Variants in NTN1 observed in about 807,000 individuals in gnomAD.
NTN1 encodes netrin-1.
NTN1 carries 11 observed loss-of-function variants against 54.2 expected under a neutral mutation model. That is an observed-to-expected ratio of 0.20 (90% CI 0.13 to 0.34). The LOEUF (loss-of-function observed/expected upper bound fraction) is 0.34, where lower values mean the gene tolerates loss of function less well. NTN1 is among the 10% of genes least tolerant of loss of function. The probability of loss-of-function intolerance (pLI) is 1.00; values close to 1 mark genes in which losing one functional copy is unlikely to be tolerated. For synonymous variants in NTN1, 371 were observed against 382.0 expected (o/e 0.97, Z 0.33); for missense variants, 740 against 893.1 (o/e 0.83, Z 2.18).
chr17:9,089,784 T>C (rs1475172098), intron 2 of NTN1, among the ~76,000 whole-genome samples: 1 of 152,162 alleles, frequency 6.6e-6, no homozygotes, highest in Non-Finnish European at 1.5e-5. Context: ...TTGCCTGTGA[T>C]CATCTTTTTC....
chr17:9,042,816 A>ACCTTTTGTCACTTTATATTG (rs2091927125), intron 2 of NTN1, among the ~76,000 whole-genome samples: 1 of 151,676 alleles, frequency 6.6e-6, no homozygotes, highest in Admixed American at 6.6e-5. Flanking sequence ...GATTTGTCTG[A>ACCTTTTGTCACTTTATATTG]CCTTTTGTCA....
intron 6 of NTN1, among the ~76,000 whole-genome samples, chr17:9,232,439 G>T (rs1905845469): frequency 6.6e-6 from 1 of 152,164 alleles, no homozygotes; most frequent in Non-Finnish European, 1.5e-5. Flanking sequence ...CTCCCCAAGG[G>T]TCTGGCTCTC....
chr17:9,217,728 T>A (rs1470610995), intron 5 of NTN1, among the ~76,000 whole-genome samples: 1 of 152,070 alleles, frequency 6.6e-6, no homozygotes, highest in Non-Finnish European at 1.5e-5. Flanking sequence ...TAGTTACCTG[T>A]ATTTTACATA....
rs1401085059 is a variant in NTN1, at chr17:9,221,809, T to C, written c.1486+567T>C. 1.3e-5 allele frequency among the ~76,000 whole-genome samples: 2 copies of C among 152,052 alleles called. No individual in the cohort carries two copies. The highest frequency in any genetic ancestry group is 1.3e-4 in the Admixed American group (2 of 15,284). ...CCACCTGCAGAGATTGCTTGTCACC[T>C]GTGACCTCAGGCTCCCTTCCCGGGA... On this transcript the variant is annotated intron_variant, in intron 6 of 6. Transcript: ENST00000173229. The surrounding 1 kb of genome is among the most constrained non-coding windows in gnomAD (Gnocchi z 4.5).
At chr17:9,229,343 C>G (rs575193320) in intron 6 of NTN1, among the ~76,000 whole-genome samples, 1 of 152,176 alleles carries the variant, frequency 6.6e-6, no homozygotes, top group Non-Finnish European at 1.5e-5. Context: ...TGCTGGGACC[C>G]GGACTGGGCA....
intron 2 of NTN1, among the ~76,000 whole-genome samples, chr17:9,070,021 G>A (rs965794243): frequency 6.6e-6 from 1 of 152,124 alleles, no homozygotes; most frequent in Non-Finnish European, 1.5e-5. Context: ...GCTGGGGATG[G>A]TCCTGGCTGG....
intron 2 of NTN1, among the ~76,000 whole-genome samples, chr17:9,130,909 C>G (rs1217317059): frequency 6.6e-6 from 1 of 152,198 alleles, no homozygotes; most frequent in Non-Finnish European, 1.5e-5. Flanking sequence ...GCTTTATTCT[C>G]AAGTTGCTAT....
At chr17:9,102,332 C>CTT (rs1555567977) in intron 2 of NTN1, among the ~76,000 whole-genome samples, 29,575 of 151,986 alleles carry the variant, frequency 0.19, 3,229 homozygotes, top group Non-Finnish European at 0.24. Context: ...GCAAACATGT[C>CTT]CTTCACATGG....
intron 6 of NTN1, among the ~76,000 whole-genome samples, chr17:9,231,303 G>A (rs543401570): frequency 6.6e-6 from 1 of 152,186 alleles, no homozygotes; most frequent in Admixed American, 6.5e-5. Flanking sequence ...CCCGGGGGGG[G>A]ACCCCAGCCT....
intron 3 of NTN1, among the ~76,000 whole-genome samples, chr17:9,170,835 G>A (rs2092385341): frequency 6.6e-6 from 1 of 151,576 alleles, no homozygotes; most frequent in African/African-American, 2.4e-5. Context: ...GTGTCGTACA[G>A]CCCTATTCCT....
chr17:9,008,663 C>T, the NTN1 span, among the ~76,000 whole-genome samples: 3 of 152,148 alleles, frequency 2.0e-5, no homozygotes, highest in African/African-American at 7.2e-5. Context: ...GGGCTTTGGA[C>T]ACTTTAGGGT....
chr17:9,169,593 G>A (rs868665228), intron 3 of NTN1, among the ~76,000 whole-genome samples: 1 of 152,200 alleles, frequency 6.6e-6, no homozygotes. Flanking sequence ...GGCTGGGTGC[G>A]GTGGCTCACG....
chr17:9,203,782 A>G (rs1045757541), intron 5 of NTN1, among the ~76,000 whole-genome samples: 1 of 152,110 alleles, frequency 6.6e-6, no homozygotes, highest in Non-Finnish European at 1.5e-5. Context: ...CAGCCTGGGC[A>G]TCAGAGTGAG....
rs111667808 is a variant in NTN1, at chr17:9,105,025, C to A, written c.1019-57788C>A. 1.7e-4 allele frequency among the ~76,000 whole-genome samples: 26 copies of A among 152,284 alleles called. No homozygotes were observed. The East Asian group carries it at 2.9e-3, about 17-fold the overall frequency. On this transcript the variant is annotated intron_variant, in intron 2 of 6. Transcript: ENST00000173229. ...CCATGGCTGGGTCTCACCGTGGGAG[C>A]AGGCTGCTGGCCATGTGGGGCCCGT...
At position 9,243,700 on chromosome 17, in the gene NTN1, C is replaced by T. The variant is rs576214416; in HGVS notation, c.*3732C>T. 2.0e-5 allele frequency: 3 copies of T among 152,412 alleles called. No homozygotes were observed. The highest frequency in any genetic ancestry group is 2.1e-4 in the South Asian group (1 of 4,828). 9.4% of individuals were successfully genotyped at this position (152,412 alleles called of 1,614,324 possible). ...CCCTCCTCCCAAATGCACTTCCCCT[C>T]CTCCCTCTGCCCCCTCCTGTGTTTT... On this transcript the variant is annotated 3_prime_UTR_variant, in exon 7 of 7. Coordinates refer to ENST00000173229, the MANE Select transcript of NTN1 (RefSeq NM_004822.3).
rs1331242639 is a variant in NTN1, at chr17:9,162,909, G to T, written c.1115G>T (p.Arg372Leu). 1.2e-6 allele frequency: 2 copies of T among 1,613,184 alleles called. No individual in the cohort carries two copies. The highest frequency in any genetic ancestry group is 1.7e-6 in the Non-Finnish European group (2 of 1,179,686). ...RKSGGVCLNC[R>L]HNTAGRHCHY... ...AGCGGAGGTGTCTGCCTCAACTGTC[G>T]CCACAACACCGCCGGCCGCCACTGC... is the stretch of plus-strand genomic sequence containing the variant. Residue 372 changes from arginine to leucine, a missense_variant, in exon 3 of 7, where the codon CGC becomes CTC. Physicochemically the swap from Arg to Leu is moderately radical, Grantham distance 102. Transcript: ENST00000173229.
At chr17:9,080,866 C>T (rs1337834840) in intron 2 of NTN1, among the ~76,000 whole-genome samples, 1 of 152,174 alleles carries the variant, frequency 6.6e-6, no homozygotes, top group Non-Finnish European at 1.5e-5. Context: ...GGTGATGGTC[C>T]CAGGGAGGGC....
chr17:9,189,641 T>C (rs979710707), intron 5 of NTN1, among the ~76,000 whole-genome samples: 1 of 151,942 alleles, frequency 6.6e-6, no homozygotes, highest in South Asian at 2.1e-4. Context: ...TGAGCCACCA[T>C]GCCCAGCCAA....
chr17:9,174,652 C>G (rs370690646), intron 3 of NTN1: 1 of 152,206 alleles, frequency 6.6e-6, no homozygotes, highest in Non-Finnish European at 1.5e-5. Flanking sequence ...ATAAGGACAC[C>G]GGTCATGTTG....
Sources: allele counts gnomAD v4.1 joint callset (sites outside exome capture counted in the v4.1 genomes callset), GRCh38; gene constraint gnomAD v4.1.1; non-coding constraint Gnocchi (gnomAD v3.1); transcripts MANE v1.5; gene names NCBI Gene and HGNC (gene_info 2026-07-23, HGNC 2026-07-21).